CNTNAP2: variants seen among roughly 807,000 people sequenced by gnomAD.
CNTNAP2 encodes the protein contactin-associated protein-like 2.
A neutral mutation model predicts 155.2 loss-of-function variants in CNTNAP2; 98 were observed. The observed-to-expected ratio is 0.63, with a 90% confidence interval of 0.54 to 0.75. The LOEUF (loss-of-function observed/expected upper bound fraction) is 0.75. CNTNAP2 is among the 30% of genes least tolerant of loss of function. CNTNAP2 has a pLI of 0.00. For synonymous variants in CNTNAP2, 651 were observed against 631.2 expected (o/e 1.03, Z -0.47); for missense variants, 1,727 against 1,688.1 (o/e 1.02, Z -0.40).
intron 8 of CNTNAP2, among the ~76,000 whole-genome samples, chr7:147,219,178 G>T (rs1803339642): frequency 6.6e-6 from 1 of 152,122 alleles, no homozygotes; most frequent in African/African-American, 2.4e-5. Context: ...CTCACTCCCT[G>T]TATTAGTCAG....
At chr7:147,119,323 A>ACC (rs1239014294) in intron 5 of CNTNAP2, among the ~76,000 whole-genome samples, 7 of 152,188 alleles carry the variant, frequency 4.6e-5, no homozygotes, top group Non-Finnish European at 7.4e-5. Context: ...AAAAAAGTTT[A>ACC]TTAGCTTTAC....
At chr7:148,185,640 T>C (rs1795104629) in intron 18 of CNTNAP2, among the ~76,000 whole-genome samples, 1 of 152,224 alleles carries the variant, frequency 6.6e-6, no homozygotes, top group Non-Finnish European at 1.5e-5. Flanking sequence ...AGTCACTTTT[T>C]AGTTTTCAGA....
rs1001714787 is a variant in CNTNAP2, at chr7:147,612,404, T to TC, written c.1898-26702_1898-26701insC. Among the ~76,000 whole-genome samples, 37 of 150,326 alleles carry TC rather than the reference T, an allele frequency of 2.5e-4. No individual in the cohort carries two copies. The South Asian group carries it at 4.8e-3, about 20-fold the overall frequency. On this transcript the variant is annotated intron_variant, in intron 12 of 23. Coordinates refer to ENST00000361727, the MANE Select transcript of CNTNAP2 (RefSeq NM_014141.6). ...TAAAGCTTATGTAATTTTCTTTCTT[T>TC]TTTTTTTTTTTTTTCTGAGACGGAG...
At chr7:146,257,616 T>C (rs1799859382) in intron 1 of CNTNAP2, among the ~76,000 whole-genome samples, 2 of 152,288 alleles carry the variant, frequency 1.3e-5, no homozygotes, top group East Asian at 3.9e-4. Flanking sequence ...CAGCAGAATA[T>C]GAACATGGAA....
intron 8 of CNTNAP2, among the ~76,000 whole-genome samples, chr7:147,295,531 A>C (rs963933662): frequency 5.8e-4 from 88 of 152,294 alleles, no homozygotes; most frequent in African/African-American, 1.9e-3. Flanking sequence ...AGGTATTACG[A>C]ATCAAATGCA....
At position 147,801,834 on chromosome 7, in the gene CNTNAP2, C is replaced by T. The variant is rs748953373; in HGVS notation, c.2099-101731C>T. Among the ~76,000 whole-genome samples the T allele has an allele frequency of 3.4e-3, 512 of 148,990 alleles. 4 individuals are homozygous for T. Among genetic ancestry groups the T allele is most frequent in the Admixed American group, 4.6e-3 (69 of 14,892 alleles). On this transcript the variant is annotated intron_variant, in intron 13 of 23. Transcript: ENST00000361727. ...ATCATGGCCTGTTCTCAATGACCTG[C>T]TGGGCACACCTCCCAGACGGGGGGG...
At chr7:146,679,042 T>A (rs983359823) in intron 1 of CNTNAP2, among the ~76,000 whole-genome samples, 6 of 152,214 alleles carry the variant, frequency 3.9e-5, no homozygotes, top group Admixed American at 1.3e-4. Flanking sequence ...GGAGTACAAG[T>A]GCAACTTTGT....
At chr7:147,235,248 C>T (rs1803772909) in intron 8 of CNTNAP2, among the ~76,000 whole-genome samples, 2 of 152,176 alleles carry the variant, frequency 1.3e-5, no homozygotes, top group South Asian at 4.1e-4. Context: ...GGGTCTCCAG[C>T]TTTCCAGCTC....
chr7:148,249,214 T>C (rs1196130372), intron 20 of CNTNAP2, among the ~76,000 whole-genome samples: 1 of 152,232 alleles, frequency 6.6e-6, no homozygotes, highest in East Asian at 1.9e-4. Context: ...GCTACTCTTA[T>C]GGATACTATC....
chr7:147,682,501 T>C (rs1795960923), intron 13 of CNTNAP2, among the ~76,000 whole-genome samples: 1 of 151,968 alleles, frequency 6.6e-6, no homozygotes, highest in Admixed American at 6.6e-5. Context: ...TAGTTATTAA[T>C]TACAAAATTT....
chr7:146,529,790 C>A (rs536397421), intron 1 of CNTNAP2, among the ~76,000 whole-genome samples: 49 of 151,924 alleles, frequency 3.2e-4, no homozygotes, highest in Non-Finnish European at 6.3e-4. Flanking sequence ...CATGGTGAAA[C>A]CCCGTCTCTA....
intron 11 of CNTNAP2, among the ~76,000 whole-genome samples, chr7:147,546,946 C>G (rs898244426): frequency 6.6e-6 from 1 of 152,182 alleles, no homozygotes; most frequent in Non-Finnish European, 1.5e-5. Context: ...CAATGAAACC[C>G]TCAGGGCAAG....
At chr7:147,989,385 C>T (rs1007609086) in intron 15 of CNTNAP2, among the ~76,000 whole-genome samples, 2 of 152,214 alleles carry the variant, frequency 1.3e-5, no homozygotes, top group Non-Finnish European at 2.9e-5. Flanking sequence ...ACCTCAGCTG[C>T]AAATGAGAAT....
At chr7:146,637,610 G>A (rs956805122) in intron 1 of CNTNAP2, among the ~76,000 whole-genome samples, 1 of 152,106 alleles carries the variant, frequency 6.6e-6, no homozygotes, top group Non-Finnish European at 1.5e-5. Context: ...ATTAGCAAAT[G>A]CTCTTTGATT....
At chr7:146,788,733 C>T (rs1802622070) in intron 2 of CNTNAP2, among the ~76,000 whole-genome samples, 1 of 152,156 alleles carries the variant, frequency 6.6e-6, no homozygotes, top group African/African-American at 2.4e-5. Context: ...AGCTTCCTGT[C>T]CTTTGGTAGT....
intron 1 of CNTNAP2, among the ~76,000 whole-genome samples, chr7:146,137,079 G>A (rs1797808784): frequency 6.6e-6 from 1 of 152,090 alleles, no homozygotes; most frequent in South Asian, 2.1e-4. Context: ...CAACTACTCA[G>A]TTATTCACCT....
At chr7:147,405,473 G>T (rs1044074369) in intron 10 of CNTNAP2, among the ~76,000 whole-genome samples, 1 of 152,154 alleles carries the variant, frequency 6.6e-6, no homozygotes, top group Non-Finnish European at 1.5e-5. Context: ...TATTGGGACT[G>T]ATACAACTTA....
chr7:146,529,965 A>AAACAAG (rs1797745017), intron 1 of CNTNAP2, among the ~76,000 whole-genome samples: 1 of 150,524 alleles, frequency 6.6e-6, no homozygotes, highest in Non-Finnish European at 1.5e-5. Flanking sequence ...CTCCGTCTCA[A>AAACAAG]AACAACAACA....
At chr7:146,179,193 G>A (rs1193619768) in intron 1 of CNTNAP2, among the ~76,000 whole-genome samples, 6 of 152,154 alleles carry the variant, frequency 3.9e-5, no homozygotes, top group Non-Finnish European at 8.8e-5. Flanking sequence ...TGGTTTTGGA[G>A]TGGATAATGA....
Sources: allele counts gnomAD v4.1 joint callset (sites outside exome capture counted in the v4.1 genomes callset), GRCh38; gene constraint gnomAD v4.1.1; transcripts MANE v1.5; gene names NCBI Gene and HGNC (gene_info 2026-07-23, HGNC 2026-07-21).